DDX31: variants seen among roughly 807,000 people sequenced by gnomAD.
The protein encoded by DDX31 is ATP-dependent DNA helicase DDX31.
DDX31 carries 70 observed loss-of-function variants against 91.3 expected under a neutral mutation model. That is an observed-to-expected ratio of 0.77 (90% CI 0.63 to 0.94). The LOEUF is 0.94. Among genes scored for constraint, DDX31 ranks in the 40% least tolerant of loss-of-function variants. DDX31 has a pLI of 0.00. For synonymous variants in DDX31, 362 were observed against 350.6 expected (o/e 1.03, Z -0.36); for missense variants, 902 against 925.0 (o/e 0.98, Z 0.32).
At chr9:132,664,635 G>A (rs1237191083) in intron 1 of DDX31, among the ~76,000 whole-genome samples, 1 of 151,100 alleles carries the variant, frequency 6.6e-6, no homozygotes, top group African/African-American at 2.4e-5. Flanking sequence ...CCTGAGCCCG[G>A]GAGGTCAAGG....
intron 6 of DDX31, among the ~76,000 whole-genome samples, chr9:132,655,705 A>G (rs1043794097): frequency 9.2e-5 from 14 of 152,248 alleles, no homozygotes; most frequent in African/African-American, 3.1e-4. Context: ...AAGTAATCCG[A>G]AAAAGGCCCC....
chr9:132,626,807 C>A (rs1832421761), intron 16 of DDX31, among the ~76,000 whole-genome samples: 1 of 152,112 alleles, frequency 6.6e-6, no homozygotes, highest in South Asian at 2.1e-4. Context: ...TCCCTGCACA[C>A]CCCCAGCCCT....
intron 19 of DDX31, among the ~76,000 whole-genome samples, chr9:132,598,442 C>G (rs1327653784): frequency 6.6e-6 from 1 of 152,216 alleles, no homozygotes; most frequent in African/African-American, 2.4e-5. Flanking sequence ...ATCAGTTTAT[C>G]TAACCACAGG....
chr9:132,602,478 C>T (rs1178226007), intron 19 of DDX31, among the ~76,000 whole-genome samples: 4 of 152,222 alleles, frequency 2.6e-5, no homozygotes. Context: ...CACAACAACC[C>T]TACAGCACCT....
intron 18 of DDX31, among the ~76,000 whole-genome samples, chr9:132,617,462 T>C (rs1831715733): frequency 6.6e-6 from 1 of 152,088 alleles, no homozygotes; most frequent in Non-Finnish European, 1.5e-5. Context: ...CTCGCATGCA[T>C]TCCAAGCACT....
chr9:132,638,138 G>A (rs1461783268), intron 14 of DDX31: 15 of 1,384,610 alleles, frequency 1.1e-5, no homozygotes, highest in South Asian at 5.0e-5. Flanking sequence ...CGCCCAGGGC[G>A]GGCTGCAGGT....
In DDX31 at chr9:132,661,266, GA is replaced by G. The variant is rs1183258713; in HGVS notation, c.409-16del. On this transcript the variant is annotated splice_polypyrimidine_tract_variant and intron_variant, in intron 3 of 19. Transcript: ENST00000372159. ...ATTGTGGAAATCTAAAAGAGGAGATGAAAAAGCTTTAATTAATATTTTGATA... is the reference window on the plus strand; with the variant it reads ...ATTGTGGAAATCTAAAAGAGGAGATGAAAAGCTTTAATTAATATTTTGATA... The G allele has an allele frequency of 6.3e-7, 1 of 1,576,308 alleles. No homozygotes were observed. Among genetic ancestry groups the G allele is most frequent in the Non-Finnish European group, 8.7e-7 (1 of 1,152,528 alleles).
chr9:132,650,943 A>T, intron 8 of DDX31, 132 bp downstream of exon 8: 1 of 908,672 alleles, frequency 1.1e-6, no homozygotes, highest in Non-Finnish European at 1.7e-6. Context: ...TAAACTGCCT[A>T]GAGAGAGCAG....
intron 19 of DDX31, among the ~76,000 whole-genome samples, chr9:132,604,778 C>T (rs905239529): frequency 5.3e-5 from 8 of 152,184 alleles, no homozygotes; most frequent in African/African-American, 1.4e-4. Flanking sequence ...TCTGGTGGTC[C>T]TAACTGTTTT....
In DDX31 at chr9:132,641,987, C is replaced by A. The variant is rs964697037; in HGVS notation, c.1440+17G>T. 2 of 1,611,710 alleles carry A rather than the reference C, an allele frequency of 1.2e-6. No homozygotes were observed. The highest frequency in any genetic ancestry group is 8.5e-7 in the Non-Finnish European group (1 of 1,177,906). On this transcript the variant is annotated intron_variant, in intron 14 of 19. Transcript: ENST00000372159. ...GAAATGTATCAGCCTTCACATGGAACACAGGAGGATACGTACCGTGCAAAG... is the reference window on the plus strand; with the variant it reads ...GAAATGTATCAGCCTTCACATGGAAAACAGGAGGATACGTACCGTGCAAAG...
chr9:132,620,741 C>T (rs563303029), intron 17 of DDX31, among the ~76,000 whole-genome samples: 17 of 152,134 alleles, frequency 1.1e-4, no homozygotes, highest in Non-Finnish European at 2.4e-4. Context: ...CAGAGTTATG[C>T]AGCACCATCT....
chr9:132,658,926 C>T (rs1306820321), intron 5 of DDX31, among the ~76,000 whole-genome samples, 191 bp from the exon 6 acceptor site: 1 of 152,316 alleles, frequency 6.6e-6, no homozygotes, highest in Middle Eastern at 3.4e-3. Flanking sequence ...CCCAATTTTG[C>T]TTTGTAAAAT....
chr9:132,658,897 T>G (rs1260737255), intron 5 of DDX31, among the ~76,000 whole-genome samples, 162 bp from the exon 6 acceptor site: 2 of 152,188 alleles, frequency 1.3e-5, no homozygotes, highest in African/African-American at 2.4e-5. Flanking sequence ...AAAAGGGACT[T>G]CCCCTGTCTG....
intron 1 of DDX31, among the ~76,000 whole-genome samples, chr9:132,664,723 A>AAG (rs1835199659): frequency 6.6e-6 from 1 of 151,454 alleles, no homozygotes; most frequent in Admixed American, 6.6e-5. Flanking sequence ...GCTCAAAAAA[A>AAG]AAAAAAAAAA....
At position 132,662,493 on chromosome 9, in the gene DDX31, C is replaced by T. The variant is rs767768307; in HGVS notation, c.278G>A (p.Cys93Tyr). The T allele has an allele frequency of 1.2e-6, 2 of 1,614,180 alleles. No homozygotes were observed. Among genetic ancestry groups the T allele is most frequent in the East Asian group, 2.2e-5 (1 of 44,880 alleles). Residue 93 changes from cysteine (C) to tyrosine (Y), a missense_variant, in exon 2 of 20, where the codon TGC (cysteine) becomes TAC (tyrosine). Cys to Tyr is a radical substitution (Grantham distance 194, BLOSUM62 -2). Transcript: ENST00000372159. ...TTTAAACAGTGATGAAGTCTTAATG[C>T]ACTGTCTCTCCTCCTGGTTTCTATC... Reference protein sequence around the residue: ...TSDRNQEERQCIKTSSLFKNN... With the variant: ...TSDRNQEERQYIKTSSLFKNN...
At chr9:132,612,632 G>C (rs2119307757) in intron 18 of DDX31, among the ~76,000 whole-genome samples, 1 of 152,250 alleles carries the variant, frequency 6.6e-6, no homozygotes, top group East Asian at 1.9e-4. Flanking sequence ...ACTAAGAAAT[G>C]ATCAACACAG....
At position 132,595,474 on chromosome 9, in the gene DDX31, A is replaced by C. The variant is rs992354771; in HGVS notation, c.1995-362T>G. ...AAAACCCACCGTCACACTCAACAAC[A>C]TGAAGCAGTGAAAGCTCACGGCAGC... On this transcript the variant is annotated intron_variant, in intron 19 of 19. Coordinates refer to ENST00000372159, the MANE Select transcript of DDX31 (RefSeq NM_022779.9). The surrounding 1 kb of genome is among the most constrained non-coding windows in gnomAD (Gnocchi z 4.6). 6.6e-6 allele frequency among the ~76,000 whole-genome samples: 1 copy of C among 152,294 alleles called. No homozygotes were observed.
intron 11 of DDX31, 103 bp from the exon 12 acceptor site, chr9:132,647,161 C>G (rs540502429): frequency 4.8e-5 from 49 of 1,013,664 alleles, no homozygotes; most frequent in Non-Finnish European, 6.4e-5. Context: ...GTTAGGACTA[C>G]GTATGTTACC....
At chr9:132,655,582 G>C (rs916989078) in intron 6 of DDX31, among the ~76,000 whole-genome samples, 4 of 152,096 alleles carry the variant, frequency 2.6e-5, no homozygotes, top group Admixed American at 2.6e-4. Context: ...GGGAAAGTGG[G>C]AATAGATGAC....
Sources: allele counts gnomAD v4.1 joint callset (sites outside exome capture counted in the v4.1 genomes callset), GRCh38; gene constraint gnomAD v4.1.1; non-coding constraint Gnocchi (gnomAD v3.1); transcripts MANE v1.5; gene names NCBI Gene and HGNC (gene_info 2026-07-23, HGNC 2026-07-21).